Variants in FAAP100 observed in about 807,000 individuals in gnomAD.
FAAP100 encodes the protein Fanconi anemia core complex-associated protein 100.
In FAAP100, 46 loss-of-function variants were observed where a neutral mutation model predicts 65.8. The ratio of observed to expected loss-of-function variants is 0.70; its 90% CI spans 0.55 to 0.89. FAAP100 has a LOEUF of 0.89. FAAP100 is among the 40% of genes least tolerant of loss of function. FAAP100 has a pLI of 0.00. For missense variants in FAAP100, 1,165 were observed against 1,196.7 expected (o/e 0.97, Z 0.39); for synonymous variants, 663 against 555.1 (o/e 1.19, Z -2.73).
rs2033498707 is a variant in FAAP100 at position 81,551,641 on chromosome 17, G to A, written c.290+287C>T. On this transcript the variant is annotated intron_variant, in intron 2 of 8. Transcript: ENST00000327787. ...CTCCAATAAAGACCCAACCTCGGGG[G>A]CGTGTCTCACCAGACAGCACCGGGC... 4 of 1,236,684 alleles carry A rather than the reference G, an allele frequency of 3.2e-6. No homozygotes were observed. In the South Asian group the frequency reaches 7.7e-5, roughly 24 times the overall value. The allele number at this position is 1,236,684 out of a possible 1,614,324, so 76.6% of individuals were successfully genotyped here. A position where few individuals can be genotyped will look rare whatever the true frequency, so the allele number is the denominator to read the frequency against.
At chr17:81,552,438 G>A, upstream of FAAP100, 1 of 1,077,556 alleles carries the variant, frequency 9.3e-7, no homozygotes, top group Non-Finnish European at 1.2e-6. Flanking sequence ...GCCGTAAAGC[G>A]GTCGGCGGTG....
rs1234085773 is a variant in FAAP100, at chr17:81,540,620, G to C, written c.*199C>G. The C allele has an allele frequency of 1.5e-6, 1 of 679,942 alleles. No homozygotes were observed. The highest frequency in any genetic ancestry group is 2.2e-6 in the Non-Finnish European group (1 of 454,754). The allele number at this position is 679,942 out of a possible 1,614,324, so 42.1% of individuals were successfully genotyped here. A position where few individuals can be genotyped will look rare whatever the true frequency, so the allele number is the denominator to read the frequency against. Reference sequence around the variant, plus strand: ...ACCGGCCAGGTTCAGAGCCCGCCTCGGTTGCTCCCAATCAGAATCTGCTTT... The same window carrying C: ...ACCGGCCAGGTTCAGAGCCCGCCTCCGTTGCTCCCAATCAGAATCTGCTTT... On this transcript the variant is annotated 3_prime_UTR_variant, in exon 9 of 9. Coordinates refer to ENST00000327787, the MANE Select transcript of FAAP100 (RefSeq NM_025161.6).
chr17:81,545,942 C>G, intron 5 of FAAP100, 60 bp from the exon 6 acceptor site: 1 of 1,555,984 alleles, frequency 6.4e-7, no homozygotes, highest in Non-Finnish European at 8.6e-7. Context: ...CTCAGCCGAT[C>G]CTACCAGGTG....
upstream of FAAP100, chr17:81,552,412 G>C: frequency 8.2e-7 from 1 of 1,219,270 alleles, no homozygotes; most frequent in South Asian, 3.3e-5. Context: ...GCAGCCCGCT[G>C]TGCGGCGCGA....
intron 7 of FAAP100, among the ~76,000 whole-genome samples, chr17:81,542,297 T>C (rs1007960719): frequency 9.0e-5 from 13 of 145,148 alleles, no homozygotes; most frequent in Admixed American, 2.1e-4. Context: ...TGAGGGAGAA[T>C]TGCTTGAACC....
At chr17:81,548,242 C>T (rs2033380366) in intron 4 of FAAP100, 3 of 538,184 alleles carry the variant, frequency 5.6e-6, no homozygotes, top group South Asian at 2.7e-5. Flanking sequence ...CTGAACGTCC[C>T]GAAGCCAGTG....
Position 81,552,240 on chromosome 17 carries a change from G to A in FAAP100, c.91C>T (p.His31Tyr), listed in dbSNP as rs1326844114. The change falls in exon 1 of 9, where the codon CAT becomes TAT. Residue 31 changes from histidine (H) to tyrosine (Y), a missense_variant. Coordinates refer to ENST00000327787, the MANE Select transcript of FAAP100 (RefSeq NM_025161.6). ...GTGGACAGGAAGACCTCTGCCTCAT[G>A]GCACAGCACGCGGGGCTTGCCCGCC... ...LAAGKPRVLC[H>Y]EAEVFLSTGS... The A allele has an allele frequency of 6.7e-7, 1 of 1,489,820 alleles. No individual in the cohort carries two copies. The highest frequency in any genetic ancestry group is 2.3e-5 in the Admixed American group (1 of 43,950). The allele number at this position is 1,489,820 out of a possible 1,614,324, so 92.3% of individuals were successfully genotyped here. A position where few individuals can be genotyped will look rare whatever the true frequency, so the allele number is the denominator to read the frequency against.
chr17:81,551,572 A>G (rs79137602), intron 2 of FAAP100, among the ~76,000 whole-genome samples: 4,430 of 152,228 alleles, frequency 0.029, 104 homozygotes, highest in East Asian at 0.13. Flanking sequence ...GATGGTGTCC[A>G]CTGATCACTG....
At chr17:81,551,771 G>C in intron 2 of FAAP100, 157 bp downstream of exon 2, 1 of 1,376,538 alleles carries the variant, frequency 7.3e-7, no homozygotes, top group South Asian at 1.7e-5. Flanking sequence ...AGAGTGCTGG[G>C]GGCAGGGGCT....
rs1029485964 is a variant in FAAP100, at chr17:81,541,252, G to A, written c.2514+57C>T. 76 of 1,519,980 alleles carry A rather than the reference G, an allele frequency of 5.0e-5. 1 individual carries two copies. In the Admixed American group the frequency reaches 1.2e-3, roughly 23 times the overall value. The allele number at this position is 1,519,980 out of a possible 1,614,324, so 94.2% of individuals were successfully genotyped here. The stretch of plus-strand genomic sequence containing the variant: ...CCGAGTGACTAGAGGGGGGCCTGGC[G>A]ATGGGCGCTCCTGGCTACCCAGGGG... On this transcript the variant is annotated intron_variant, in intron 8 of 8. Coordinates refer to ENST00000327787, the MANE Select transcript of FAAP100 (RefSeq NM_025161.6).
upstream of FAAP100, among the ~76,000 whole-genome samples, chr17:81,552,861 G>T (rs567394954): frequency 8.3e-6 from 1 of 120,374 alleles, no homozygotes; most frequent in East Asian, 2.7e-4. Context: ...GAGCCGCCCC[G>T]GCCGCCCCCG....
At position 81,545,848 on chromosome 17, in the gene FAAP100, G is replaced by A. The variant is rs1400858338; in HGVS notation, c.2208C>T (p.Leu736=). The change falls in exon 6 of 9, where the codon CTC becomes CTT. Residue 736 remains leucine, a synonymous_variant. Transcript: ENST00000327787. ...CGTCCACAGCAGCATTCTCAGCAAGGAGCCACTGCAGGGTGGCACAGCACA... is the reference window on the plus strand; with the variant it reads ...CGTCCACAGCAGCATTCTCAGCAAGAAGCCACTGCAGGGTGGCACAGCACA... The part of the protein sequence containing the change: ...VPLCCATLQW[L]LAENAAVDVV... 5 of 1,610,370 alleles carry A rather than the reference G, an allele frequency of 3.1e-6. No individual in the cohort carries two copies. The South Asian group carries it at 4.4e-5, about 14-fold the overall frequency.
chr17:81,542,705 CTCAGAGCCTGGCTGTG>C (rs2033160607), intron 7 of FAAP100, among the ~76,000 whole-genome samples: 1 of 152,242 alleles, frequency 6.6e-6, no homozygotes, highest in Non-Finnish European at 1.5e-5. Context: ...AGTGCCAGCA[CTCAGAGCCTGGCTGTG>C]TCTGGAAATG....
intron 3 of FAAP100, 61 bp downstream of exon 3, chr17:81,550,187 A>G: frequency 6.9e-7 from 1 of 1,451,928 alleles, no homozygotes; most frequent in South Asian, 1.3e-5. Flanking sequence ...ATAGTAGCAG[A>G]CAGCCAAAAA....
intron 4 of FAAP100, 69 bp downstream of exon 4, chr17:81,549,137 C>A: frequency 6.3e-7 from 1 of 1,582,048 alleles, no homozygotes; most frequent in Non-Finnish European, 8.6e-7. Flanking sequence ...CAGGACGACC[C>A]CACACAGGGA....
chr17:81,540,617 C>T lies in FAAP100; in HGVS notation c.*202G>A. On this transcript the variant is annotated 3_prime_UTR_variant, in exon 9 of 9. Coordinates refer to ENST00000327787, the MANE Select transcript of FAAP100 (RefSeq NM_025161.6). Reference sequence around the variant, plus strand: ...TGGACCGGCCAGGTTCAGAGCCCGCCTCGGTTGCTCCCAATCAGAATCTGC... The same window carrying T: ...TGGACCGGCCAGGTTCAGAGCCCGCTTCGGTTGCTCCCAATCAGAATCTGC... The T allele has an allele frequency of 1.5e-6, 1 of 671,128 alleles. No homozygotes were observed. Among genetic ancestry groups the T allele is most frequent in the Middle Eastern group, 4.5e-4 (1 of 2,236 alleles). The allele number at this position is 671,128 out of a possible 1,614,324, so 41.6% of individuals were successfully genotyped here. A position where few individuals can be genotyped will look rare whatever the true frequency, so the allele number is the denominator to read the frequency against.
chr17:81,544,018 C>T lies in FAAP100; in HGVS notation c.2413G>A (p.Val805Ile), dbSNP rs2033208281. ...ADICRAHHAV[V>I]GRMQTMVTEQ... ...GGCCGACATACCTGCATGCGCCCGA[C>T]AACGGCATGGTGCGCCCTGCAAATG... The change falls in exon 7 of 9, where the codon GTC becomes ATC. Residue 805 changes from valine to isoleucine, a missense_variant. Physicochemically the swap from Val to Ile is conservative, Grantham distance 29. Transcript: ENST00000327787. 1 of 1,612,378 alleles carries T rather than the reference C, an allele frequency of 6.2e-7. No individual in the cohort carries two copies. The highest frequency in any genetic ancestry group is 1.3e-5 in the African/African-American group (1 of 75,058).
In FAAP100 at chr17:81,547,102, C is replaced by G. The variant is rs748534110; in HGVS notation, c.1980G>C (p.Pro660=). The G allele has an allele frequency of 3.3e-6, 5 of 1,522,554 alleles. No individual in the cohort carries two copies. The Admixed American group carries it at 1.1e-4, about 33-fold the overall frequency. 94.3% of individuals were successfully genotyped at this position (1,522,554 alleles called of 1,614,324 possible). Residue 660 remains proline, a synonymous_variant, in exon 5 of 9, where the codon CCG becomes CCC. Transcript: ENST00000327787. The part of the protein sequence containing the change: ...LQCLRFPGLA[P]PHTRAPSPLG... The stretch of plus-strand genomic sequence containing the variant: ...GTGGGGAGGGGGCCCGTGTGTGTGG[C>G]GGGGCCAGGCCAGGGAAGCGCAGAC...
Position 81,544,013 on chromosome 17 carries a change from C to A in FAAP100, c.2418G>T (p.Gly806=), listed in dbSNP as rs771699919. ...DICRAHHAVV[G]RMQTMVTEQA... ...CAGCGGGCCGACATACCTGCATGCG[C>A]CCGACAACGGCATGGTGCGCCCTGC... The change falls in exon 7 of 9, where the codon GGG becomes GGT. Residue 806 remains glycine, a synonymous_variant. Transcript: ENST00000327787. 6.2e-7 allele frequency: 1 copy of A among 1,612,010 alleles called. No individual in the cohort carries two copies. The highest frequency in any genetic ancestry group is 8.5e-7 in the Non-Finnish European group (1 of 1,179,458).
Sources: allele counts gnomAD v4.1 joint callset (sites outside exome capture counted in the v4.1 genomes callset), GRCh38; gene constraint gnomAD v4.1.1; transcripts MANE v1.5; gene names NCBI Gene and HGNC (gene_info 2026-07-23, HGNC 2026-07-21).